The following ATP7A variants were observed in gnomAD, a reference collection of about 807,000 sequenced individuals.
The protein encoded by ATP7A is copper-transporting ATPase 1.
Under a neutral mutation model 83.5 loss-of-function variants are expected in ATP7A, and 7 were observed. The ratio of observed to expected loss-of-function variants is 0.08; its 90% confidence interval spans 0.05 to 0.16. ATP7A has a LOEUF of 0.16. Ranked by LOEUF, ATP7A falls within the 10% of genes least tolerant of loss-of-function variation. The pLI, the probability that ATP7A is intolerant of heterozygous loss-of-function variation, is 1.00. For missense variants in ATP7A, 940 were observed against 1,120.8 expected (o/e 0.84, Z 2.30); for synonymous variants, 354 against 395.2 (o/e 0.90, Z 1.24).
intron 1 of ATP7A, among the ~76,000 whole-genome samples, chrX:77,956,717 AC>A (rs1241428884): frequency 2.2e-5 from 2 of 90,434 alleles, no homozygotes; most frequent in African/African-American, 8.4e-5. Flanking sequence ...TTTATCAATT[AC>A]CCAGTCTCCT....
At chrX:78,005,062 C>T (rs2077764755) in intron 6 of ATP7A, among the ~76,000 whole-genome samples, 2 of 110,574 alleles carry the variant, frequency 1.8e-5, no homozygotes, top group Admixed American at 1.9e-4. Flanking sequence ...GCCTAGGTGA[C>T]AGAGTGAGAC....
intron 12 of ATP7A, among the ~76,000 whole-genome samples, chrX:78,018,555 T>A (rs941444773): frequency 1.8e-5 from 2 of 111,795 alleles, no homozygotes; most frequent in Non-Finnish European, 3.8e-5. Flanking sequence ...TTCTATGAAG[T>A]TCCAAACTTT....
intron 1 of ATP7A, among the ~76,000 whole-genome samples, chrX:77,954,364 G>A (rs2077429618): frequency 9.0e-6 from 1 of 111,121 alleles, no homozygotes; most frequent in African/African-American, 3.3e-5. Flanking sequence ...GGCTAGTCTC[G>A]AACTCCTGAC....
intron 17 of ATP7A, 111 bp downstream of exon 17, chrX:78,033,932 T>C (rs1226751698): frequency 2.7e-6 from 2 of 736,823 alleles, no homozygotes; most frequent in East Asian, 3.2e-5. Flanking sequence ...ATAATTTCAT[T>C]TCCTCAAGTC....
intron 1 of ATP7A, among the ~76,000 whole-genome samples, chrX:77,935,010 C>G (rs781816001): frequency 5.5e-5 from 6 of 109,539 alleles, no homozygotes; most frequent in Non-Finnish European, 7.6e-5. Flanking sequence ...TGGCATTTTA[C>G]CATGTTGCCC....
intron 15 of ATP7A, among the ~76,000 whole-genome samples, chrX:78,030,698 T>C (rs1326231584): frequency 9.5e-6 from 1 of 104,827 alleles, no homozygotes; most frequent in Non-Finnish European, 2.0e-5. Flanking sequence ...TTCTTTCTTT[T>C]TTTTTTTTTT....
At chrX:78,003,367 G>C in intron 6 of ATP7A, 131 bp downstream of exon 6, 1 of 632,104 alleles carries the variant, frequency 1.6e-6, no homozygotes, top group Admixed American at 2.6e-5. Context: ...AAAATGGAAG[G>C]ATAAGGTATG....
intron 1 of ATP7A, among the ~76,000 whole-genome samples, chrX:77,931,061 AG>A (rs2077271239): frequency 1.2e-5 from 1 of 86,002 alleles, no homozygotes; most frequent in Non-Finnish European, 2.1e-5. Context: ...TTTCTCGCAG[AG>A]GGGGATTTGG....
At chrX:77,915,460 A>G (rs782667589) in intron 1 of ATP7A, among the ~76,000 whole-genome samples, 1 of 111,085 alleles carries the variant, frequency 9.0e-6, no homozygotes, top group Admixed American at 9.7e-5. Flanking sequence ...CAGTTCCTTC[A>G]AATTTCTAAA....
chrX:78,021,480 C>A (rs1410373674), intron 14 of ATP7A, among the ~76,000 whole-genome samples: 1 of 110,946 alleles, frequency 9.0e-6, no homozygotes, highest in Non-Finnish European at 1.9e-5. Context: ...TTAATAATAC[C>A]CATTTTGTGT....
At chrX:78,041,859 T>C (rs1557238446) in intron 19 of ATP7A, among the ~76,000 whole-genome samples, 2 of 110,814 alleles carry the variant, frequency 1.8e-5, no homozygotes, top group Non-Finnish European at 3.8e-5. Context: ...GGCTCACGCC[T>C]GTAATCCCAG....
chrX:77,980,756 C>T (rs1166010974), intron 2 of ATP7A, among the ~76,000 whole-genome samples: 3 of 110,961 alleles, frequency 2.7e-5, no homozygotes, highest in Non-Finnish European at 5.7e-5. Context: ...GCAACCTCCG[C>T]CACCCGGGTT....
chrX:78,020,534 A>ATCC, intron 13 of ATP7A, 136 bp downstream of exon 13: 1 of 773,924 alleles, frequency 1.3e-6, no homozygotes, highest in Non-Finnish European at 1.9e-6. Flanking sequence ...TTGTTTTGAG[A>ATCC]TAGGGTCTCA....
At chrX:77,927,806 G>A (rs1354394821) in intron 1 of ATP7A, among the ~76,000 whole-genome samples, 2 of 110,510 alleles carry the variant, frequency 1.8e-5, no homozygotes, top group African/African-American at 6.6e-5. Flanking sequence ...AGGCCCCGGT[G>A]TGTGATGTTC....
intron 12 of ATP7A, 60 bp downstream of exon 12, chrX:78,015,941 G>A (rs2077860125): frequency 2.6e-6 from 3 of 1,137,696 alleles, no homozygotes; most frequent in African/African-American, 3.6e-5. Context: ...GAAAGATGAA[G>A]CACTTTTTGT....
chrX:77,963,133 T>C, intron 1 of ATP7A: 1 of 138,844 alleles, frequency 7.2e-6, no homozygotes, highest in Non-Finnish European at 1.4e-5. Context: ...TAAAATCCTT[T>C]ACAAAATTTA....
intron 6 of ATP7A, among the ~76,000 whole-genome samples, chrX:78,005,111 C>A (rs183734791): frequency 9.1e-6 from 1 of 110,124 alleles, no homozygotes; most frequent in Non-Finnish European, 1.9e-5. Flanking sequence ...ACAATGAAAC[C>A]ATGAAATTAC....
intron 6 of ATP7A, among the ~76,000 whole-genome samples, chrX:78,004,663 A>C (rs782326042): frequency 7.3e-4 from 81 of 110,750 alleles, no homozygotes; most frequent in African/African-American, 2.6e-3. Flanking sequence ...TGGGTAGATC[A>C]CTTGAGGTCA....
At chrX:78,018,067 C>T (rs939442754) in intron 12 of ATP7A, among the ~76,000 whole-genome samples, 9 of 107,136 alleles carry the variant, frequency 8.4e-5, no homozygotes, top group African/African-American at 1.7e-4. Context: ...TGAGCCACCG[C>T]GCCCGGCCAC....
Sources: gnomAD v4.1 joint callset for allele counts (sites outside exome capture counted in the v4.1 genomes callset) on GRCh38, gnomAD v4.1.1 for gene constraint, MANE v1.5 for transcripts, NCBI Gene and HGNC (gene_info 2026-07-23, HGNC 2026-07-21) for gene names.